AXDND1: variants seen among roughly 807,000 people sequenced by gnomAD.
AXDND1 encodes the protein axonemal dynein light chain domain-containing protein 1.
AXDND1 carries 110 observed loss-of-function variants against 137.5 expected under a neutral mutation model. The observed-to-expected ratio is 0.80, with a 90% confidence interval of 0.69 to 0.94. AXDND1 has a LOEUF of 0.94. AXDND1 is among the 40% of genes least tolerant of loss of function. The pLI, the probability that AXDND1 is intolerant of heterozygous loss-of-function variation, is 0.00. For missense variants in AXDND1, 1,191 were observed against 1,169.8 expected (o/e 1.02, Z -0.26); for synonymous variants, 414 against 399.7 (o/e 1.04, Z -0.43).
chr1:179,491,611 A>T lies in AXDND1; in HGVS notation c.2165A>T (p.Asp722Val). The T allele has an allele frequency of 6.2e-7, 1 of 1,613,740 alleles. No homozygotes were observed. The highest frequency in any genetic ancestry group is 8.5e-7 in the Non-Finnish European group (1 of 1,179,654). ...LLILMIPNFTDQDCLLKLEEE... is the reference protein window; with the variant it reads ...LLILMIPNFTVQDCLLKLEEE... ...ATTTTAATGATACCCAACTTTACTG[A>T]CCAAGACTGTCTCCTAAAGTTGGAG... The change falls in exon 19 of 26, where the codon GAC becomes GTC. Residue 722 changes from aspartate (D) to valine (V), a missense_variant. Transcript: ENST00000367618.
chr1:179,398,897 T>A (rs1220891533), intron 11 of AXDND1, among the ~76,000 whole-genome samples: 1 of 151,948 alleles, frequency 6.6e-6, no homozygotes, highest in Non-Finnish European at 1.5e-5. Context: ...AAGGGCAGAA[T>A]GTACTACTGC....
intron 4 of AXDND1, among the ~76,000 whole-genome samples, chr1:179,374,506 C>G (rs760707020): frequency 6.6e-5 from 10 of 152,240 alleles, no homozygotes; most frequent in Non-Finnish European, 1.0e-4. Flanking sequence ...CATCATGCTA[C>G]TATAAAGACA....
intron 12 of AXDND1, among the ~76,000 whole-genome samples, chr1:179,415,625 C>T (rs920870180): frequency 6.6e-6 from 1 of 152,146 alleles, no homozygotes. Flanking sequence ...AAACTCCATA[C>T]ATTTTAGCAG....
At chr1:179,410,342 T>G (rs1315826332) in intron 11 of AXDND1, among the ~76,000 whole-genome samples, 1 of 152,178 alleles carries the variant, frequency 6.6e-6, no homozygotes, top group African/African-American at 2.4e-5. Flanking sequence ...GCAATTCTCC[T>G]GCCTCAGCCT....
intron 16 of AXDND1, 57 bp downstream of exon 16, chr1:179,445,261 T>C: frequency 8.7e-7 from 1 of 1,143,796 alleles, no homozygotes; most frequent in Non-Finnish European, 1.2e-6. Context: ...CCACAATAAT[T>C]ATTTTCAATA....
intron 20 of AXDND1, among the ~76,000 whole-genome samples, chr1:179,500,298 A>G (rs941406890): frequency 2.0e-5 from 3 of 150,240 alleles, no homozygotes; most frequent in Non-Finnish European, 4.4e-5. Context: ...ATGGCTATAT[A>G]TGTATATATA....
intron 16 of AXDND1, among the ~76,000 whole-genome samples, chr1:179,459,763 TTC>T (rs1216287744): frequency 1.4e-5 from 2 of 147,138 alleles, no homozygotes; most frequent in Admixed American, 6.8e-5. Flanking sequence ...TTCTTTTCTT[TTC>T]TCTTTTCTTT....
At chr1:179,402,990 G>A (rs958639259) in intron 11 of AXDND1, among the ~76,000 whole-genome samples, 1 of 152,042 alleles carries the variant, frequency 6.6e-6, no homozygotes, top group African/African-American at 2.4e-5. Context: ...GTATACAGTC[G>A]ACTGTTGAAC....
intron 25 of AXDND1, among the ~76,000 whole-genome samples, chr1:179,536,847 TG>T (rs1284623318): frequency 2.6e-5 from 4 of 152,246 alleles, no homozygotes; most frequent in African/African-American, 9.6e-5. Context: ...TCCATGAGCA[TG>T]GAATGTTCTT....
At chr1:179,493,039 A>C in intron 20 of AXDND1, 88 bp downstream of exon 20, 8 of 853,392 alleles carry the variant, frequency 9.4e-6, no homozygotes, top group Non-Finnish European at 1.5e-5. Context: ...CAACAAGCTC[A>C]CATATTTAAA....
intron 18 of AXDND1, among the ~76,000 whole-genome samples, chr1:179,490,480 C>T (rs1395290320): frequency 6.6e-6 from 1 of 152,192 alleles, no homozygotes. Context: ...TCAATATTTT[C>T]ACACTCCTAA....
intron 21 of AXDND1, among the ~76,000 whole-genome samples, chr1:179,517,858 G>A (rs1558294797): frequency 6.6e-6 from 1 of 152,136 alleles, no homozygotes; most frequent in African/African-American, 2.4e-5. Context: ...GGGTCCTCTC[G>A]GGATTCCTGC....
chr1:179,546,843 G>A (rs1046457798), intron 25 of AXDND1, among the ~76,000 whole-genome samples: 11 of 152,132 alleles, frequency 7.2e-5, no homozygotes, highest in African/African-American at 1.4e-4. Context: ...AACTCAGTGC[G>A]CGTGGGCTCC....
chr1:179,511,304 C>G (rs1398427199), intron 21 of AXDND1, among the ~76,000 whole-genome samples: 4 of 149,570 alleles, frequency 2.7e-5, no homozygotes, highest in African/African-American at 9.9e-5. Context: ...TATATATATT[C>G]CAATCATATA....
At chr1:179,487,244 T>C (rs535209438) in intron 18 of AXDND1, among the ~76,000 whole-genome samples, 1 of 148,800 alleles carries the variant, frequency 6.7e-6, no homozygotes, top group Non-Finnish European at 1.5e-5. Context: ...TCATTGTTTT[T>C]CCTTTGCCTC....
At chr1:179,400,510 A>G (rs572616059) in intron 11 of AXDND1, among the ~76,000 whole-genome samples, 4 of 152,110 alleles carry the variant, frequency 2.6e-5, no homozygotes, top group African/African-American at 4.8e-5. Context: ...AATCTCACAA[A>G]TCACCACTAA....
intron 7 of AXDND1, among the ~76,000 whole-genome samples, chr1:179,383,062 CT>C (rs1648634956): frequency 6.6e-6 from 1 of 151,782 alleles, no homozygotes; most frequent in Non-Finnish European, 1.5e-5. Context: ...TTGCTATAGT[CT>C]TTTTTTTCCT....
chr1:179,376,797 G>A (rs1647337590), intron 4 of AXDND1, among the ~76,000 whole-genome samples: 1 of 152,116 alleles, frequency 6.6e-6, no homozygotes, highest in Admixed American at 6.5e-5. Context: ...TTAAGAAATA[G>A]TTCTATATTC....
In AXDND1 at chr1:179,486,137, A is replaced by C. The variant is rs1409593251; in HGVS notation, c.2091+2916A>C. 1.6e-5 allele frequency among the ~76,000 whole-genome samples: 2 copies of C among 123,320 alleles called. 1 individual carries two copies. The highest frequency in any genetic ancestry group is 5.8e-5 in the African/African-American group (2 of 34,248). 80.9% of individuals were successfully genotyped at this position (123,320 alleles called of 152,430 possible). A position where few individuals can be genotyped will look rare whatever the true frequency, so the allele number is the denominator to read the frequency against. ...TCTGTCTCAAAAAAAAAAAAAAAAA[A>C]AAAACCTGATAGAAATGAAAAACAC... On this transcript the variant is annotated intron_variant, in intron 18 of 25. Transcript: ENST00000367618.
Sources: gnomAD v4.1 joint callset for allele counts (sites outside exome capture counted in the v4.1 genomes callset) on GRCh38, gnomAD v4.1.1 for gene constraint, MANE v1.5 for transcripts, NCBI Gene and HGNC (gene_info 2026-07-23, HGNC 2026-07-21) for gene names.